ITSN1: variants seen among roughly 807,000 people sequenced by gnomAD.
ITSN1 encodes the protein intersectin-1.
A neutral mutation model predicts 239.8 loss-of-function variants in ITSN1; 58 were observed. That is an observed-to-expected ratio of 0.24 (90% confidence interval 0.20 to 0.30). ITSN1 has a LOEUF of 0.30. Ranked by LOEUF, ITSN1 falls within the 10% of genes least tolerant of loss-of-function variation. ITSN1 has a pLI of 1.00. For synonymous variants in ITSN1, 780 were observed against 770.8 expected (o/e 1.01, Z -0.20); for missense variants, 1,558 against 2,103.3 (o/e 0.74, Z 5.07).
At chr21:33,679,621 G>A (rs80341734) in intron 1 of ITSN1, among the ~76,000 whole-genome samples, 6,349 of 150,568 alleles carry the variant, frequency 0.042, 452 homozygotes, top group African/African-American at 0.15. Context: ...AAAATTTATC[G>A]TATTGACAGT....
At chr21:33,702,903 C>A (rs1568976888) in intron 1 of ITSN1, among the ~76,000 whole-genome samples, 1 of 152,066 alleles carries the variant, frequency 6.6e-6, no homozygotes, top group Non-Finnish European at 1.5e-5. Flanking sequence ...CATGGTGAAA[C>A]CCTGTCTCTA....
chr21:33,657,895 AG>A (rs932224218), intron 1 of ITSN1, among the ~76,000 whole-genome samples: 10 of 152,156 alleles, frequency 6.6e-5, no homozygotes, highest in Admixed American at 1.3e-4. Flanking sequence ...CTGAGGCAGG[AG>A]GATTGCTTGA....
intron 5 of ITSN1, among the ~76,000 whole-genome samples, chr21:33,743,571 G>A (rs2066996072): frequency 6.6e-6 from 1 of 152,078 alleles, no homozygotes; most frequent in African/African-American, 2.4e-5. Context: ...GAGTCCCTGA[G>A]GAAGAAAACT....
intron 39 of ITSN1, among the ~76,000 whole-genome samples, chr21:33,887,918 T>G (rs1267007996): frequency 1.3e-5 from 2 of 150,772 alleles, no homozygotes; most frequent in Non-Finnish European, 3.0e-5. Flanking sequence ...ACCTTCTAAT[T>G]CTGAGAGATA....
chr21:33,686,516 A>G (rs1045286253), intron 1 of ITSN1, among the ~76,000 whole-genome samples: 11 of 152,114 alleles, frequency 7.2e-5, no homozygotes, highest in African/African-American at 2.7e-4. Flanking sequence ...AGGTAATTGA[A>G]CTGTGCTGAG....
intron 21 of ITSN1, among the ~76,000 whole-genome samples, chr21:33,813,085 T>G (rs2073021803): frequency 6.6e-6 from 1 of 152,168 alleles, no homozygotes; most frequent in African/African-American, 2.4e-5. Flanking sequence ...CTAGCCTGTA[T>G]TTCATGTACC....
At chr21:33,880,773 G>T (rs1602704015) in intron 34 of ITSN1, among the ~76,000 whole-genome samples, 2 of 152,286 alleles carry the variant, frequency 1.3e-5, no homozygotes, top group Middle Eastern at 6.8e-3. Flanking sequence ...CAGGCCAATT[G>T]TGTGGGCAGA....
At chr21:33,678,095 C>T (rs1038804363) in intron 1 of ITSN1, among the ~76,000 whole-genome samples, 9 of 152,226 alleles carry the variant, frequency 5.9e-5, no homozygotes, top group Admixed American at 1.3e-4. Context: ...CTGTGCTTCT[C>T]CAGTTTCTTC....
Position 33,642,654 on chromosome 21 carries a change from G to A in ITSN1, c.-92G>A, listed in dbSNP as rs2087492057. On this transcript the variant is annotated 5_prime_UTR_variant, in exon 1 of 40. Transcript: ENST00000381318. ...CTGCGGCTCCTGCGTCCCTCCCAGC[G>A]GCGCGTGAGCGGCACTGATTTGTCC... is the stretch of plus-strand genomic sequence containing the variant. 6.5e-6 allele frequency: 1 copy of A among 152,884 alleles called. No homozygotes were observed. The highest frequency in any genetic ancestry group is 2.4e-5 in the African/African-American group (1 of 41,428). 9.5% of individuals were successfully genotyped at this position (152,884 alleles called of 1,614,324 possible). A position where few individuals can be genotyped will look rare whatever the true frequency, so the allele number is the denominator to read the frequency against.
chr21:33,683,392 C>T (rs372349884), intron 1 of ITSN1, among the ~76,000 whole-genome samples: 26 of 152,206 alleles, frequency 1.7e-4, no homozygotes, highest in Middle Eastern at 3.4e-3. Flanking sequence ...CATTGAGGGC[C>T]CTGTTTATCA....
intron 1 of ITSN1, among the ~76,000 whole-genome samples, chr21:33,688,577 A>C (rs73368061): frequency 1.1e-3 from 161 of 152,336 alleles, no homozygotes; most frequent in Middle Eastern, 6.8e-3. Context: ...AGGGGAATGT[A>C]GTCTTGTCTG....
intron 16 of ITSN1, among the ~76,000 whole-genome samples, 169 bp from the exon 17 acceptor site, chr21:33,794,172 C>T (rs2071358810): frequency 1.3e-5 from 2 of 152,142 alleles, no homozygotes; most frequent in Admixed American, 1.3e-4. Flanking sequence ...GGAAATCAGT[C>T]ATGTCAAAAT....
intron 22 of ITSN1, chr21:33,817,557 T>C (rs1478305785): frequency 7.7e-7 from 1 of 1,303,840 alleles, no homozygotes; most frequent in Non-Finnish European, 1.0e-6. Context: ...GTTGTTTTTA[T>C]CTCTGTCTTC....
intron 37 of ITSN1, 119 bp downstream of exon 37, chr21:33,885,242 A>G: frequency 9.9e-7 from 1 of 1,013,218 alleles, no homozygotes. Flanking sequence ...GCATGGAATG[A>G]GATGGAAGTG....
chr21:33,786,706 A>G (rs936805245), intron 16 of ITSN1, among the ~76,000 whole-genome samples: 4 of 152,096 alleles, frequency 2.6e-5, no homozygotes, highest in South Asian at 2.1e-4. Context: ...CCAACACCCA[A>G]CGGAGCTAGA....
intron 20 of ITSN1, among the ~76,000 whole-genome samples, chr21:33,805,980 G>T (rs959561013): frequency 1.2e-4 from 17 of 138,140 alleles, no homozygotes; most frequent in African/African-American, 4.5e-4. Context: ...GATGTGGGCG[G>T]ATCACAAGGT....
chr21:33,848,831 C>T (rs1484612515), intron 29 of ITSN1, among the ~76,000 whole-genome samples: 1 of 152,252 alleles, frequency 6.6e-6, no homozygotes, highest in African/African-American at 2.4e-5. Flanking sequence ...GAATCCCTCA[C>T]CGCTGCCTGC....
At chr21:33,805,907 CAGAA>C (rs1274548898) in intron 20 of ITSN1, among the ~76,000 whole-genome samples, 4 of 146,988 alleles carry the variant, frequency 2.7e-5, no homozygotes, top group Non-Finnish European at 6.0e-5. Context: ...CTCCTGACCT[CAGAA>C]AGAGTTTTAA....
chr21:33,694,725 A>C lies in ITSN1; in HGVS notation c.-32-24072A>C, dbSNP rs562322240. 2.0e-5 allele frequency among the ~76,000 whole-genome samples: 3 copies of C among 152,264 alleles called. 1 individual carries two copies. Among genetic ancestry groups the C allele is most frequent in the Admixed American group, 2.0e-4 (3 of 15,294 alleles). On this transcript the variant is annotated intron_variant, in intron 1 of 39. Coordinates refer to ENST00000381318, the MANE Select transcript of ITSN1 (RefSeq NM_003024.3). ...AATCCCAGCGACTTGGGAGGCTGAC[A>C]GGAGAATTACTTGAACCTGGGAGGC...
Sources: allele counts gnomAD v4.1 joint callset (sites outside exome capture counted in the v4.1 genomes callset), GRCh38; gene constraint gnomAD v4.1.1; transcripts MANE v1.5; gene names NCBI Gene and HGNC (gene_info 2026-07-23, HGNC 2026-07-21).